TTBK2: variants seen among roughly 807,000 people sequenced by gnomAD.
The protein encoded by TTBK2 is tau tubulin kinase 2.
TTBK2 carries 28 observed loss-of-function variants against 110.8 expected under a neutral mutation model. The observed-to-expected ratio is 0.25, with a 90% CI of 0.19 to 0.35. The LOEUF (loss-of-function observed/expected upper bound fraction) is 0.35, where lower values mean the gene tolerates loss of function less well. Ranked by LOEUF, TTBK2 falls within the 10% of genes least tolerant of loss-of-function variation. The pLI, the probability that TTBK2 is intolerant of heterozygous loss-of-function variation, is 1.00. For synonymous variants in TTBK2, 532 were observed against 527.3 expected (o/e 1.01, Z -0.12); for missense variants, 1,369 against 1,500.3 (o/e 0.91, Z 1.45).
In TTBK2 at chr15:42,753,031, G is replaced by A. The variant is rs2061891124; in HGVS notation, c.2215C>T (p.His739Tyr). The A allele has an allele frequency of 6.2e-7, 1 of 1,614,002 alleles. No homozygotes were observed. The highest frequency in any genetic ancestry group is 8.5e-7 in the Non-Finnish European group (1 of 1,179,998). ...TCTCTAATGTTGGGTAACATGTCATGACCAATGTGATCTATCTGAAGCCCC... is the reference window on the plus strand; with the variant it reads ...TCTCTAATGTTGGGTAACATGTCATAACCAATGTGATCTATCTGAAGCCCC... The part of the protein sequence containing the change: ...DLGLQIDHIG[H>Y]DMLPNIRESN... Residue 739 changes from histidine to tyrosine, a missense_variant, in exon 14 of 15, where the codon CAT (histidine) becomes TAT (tyrosine). Coordinates refer to ENST00000267890, the MANE Select transcript of TTBK2 (RefSeq NM_173500.4).
chr15:42,757,479 C>T (rs2061964698), intron 13 of TTBK2, among the ~76,000 whole-genome samples: 1 of 152,148 alleles, frequency 6.6e-6, no homozygotes. Context: ...GATAGGACTT[C>T]AGGATTTTGA....
chr15:42,891,172 CTTTTTTTTT>C (rs758372860), intron 1 of TTBK2, among the ~76,000 whole-genome samples: 4 of 125,746 alleles, frequency 3.2e-5, no homozygotes, highest in Non-Finnish European at 5.0e-5. Context: ...CCATGCCCGA[CTTTTTTTTT>C]TTTTTTTTTT....
rs545917779 is a variant in TTBK2, at chr15:42,788,015, C to G, written c.981-4380G>C. Reference sequence around the variant, plus strand: ...ATGTCACTGTTCTGAATACTGGAGGCAAGTGTAACACAATGGTTAAGTATT... The same window carrying G: ...ATGTCACTGTTCTGAATACTGGAGGGAAGTGTAACACAATGGTTAAGTATT... On this transcript the variant is annotated intron_variant, in intron 10 of 14. Transcript: ENST00000267890. Among the ~76,000 whole-genome samples the G allele has an allele frequency of 3.3e-5, 5 of 151,996 alleles. 1 individual carries two copies. In the East Asian group the frequency reaches 9.6e-4, roughly 29 times the overall value.
At chr15:42,764,632 A>T (rs1464974831) in intron 13 of TTBK2, among the ~76,000 whole-genome samples, 2 of 152,260 alleles carry the variant, frequency 1.3e-5, no homozygotes, top group Admixed American at 1.3e-4. Flanking sequence ...AGCCCACCGC[A>T]GCTCAGCAAG....
chr15:42,748,113 C>T (rs1016815796), intron 14 of TTBK2, among the ~76,000 whole-genome samples: 3 of 152,090 alleles, frequency 2.0e-5, no homozygotes, highest in African/African-American at 7.2e-5. Flanking sequence ...AGTTAAAATT[C>T]AGACTAGGAT....
intron 2 of TTBK2, among the ~76,000 whole-genome samples, chr15:42,875,353 G>A (rs979641062): frequency 3.3e-5 from 5 of 152,174 alleles, no homozygotes; most frequent in Non-Finnish European, 7.3e-5. Context: ...GGTAAGGTCT[G>A]TGGAAGATTG....
At chr15:42,868,594 CA>C (rs1894479696) in intron 3 of TTBK2, among the ~76,000 whole-genome samples, 1 of 151,812 alleles carries the variant, frequency 6.6e-6, no homozygotes, top group South Asian at 2.1e-4. Flanking sequence ...TGGTGGTTCA[CA>C]CCTTTAATCC....
At chr15:42,877,067 T>C (rs1200066350) in intron 2 of TTBK2, among the ~76,000 whole-genome samples, 1 of 152,230 alleles carries the variant, frequency 6.6e-6, no homozygotes, top group Admixed American at 6.5e-5. Context: ...GTATTTATCT[T>C]GTTTTCCTAA....
chr15:42,790,923 A>T (rs904611627), intron 10 of TTBK2, among the ~76,000 whole-genome samples: 2 of 151,770 alleles, frequency 1.3e-5, no homozygotes, highest in South Asian at 2.1e-4. Flanking sequence ...TCGCTCTGTC[A>T]TCCAGGCTGG....
intron 10 of TTBK2, among the ~76,000 whole-genome samples, chr15:42,787,457 G>C (rs2140832631): frequency 6.6e-6 from 1 of 152,272 alleles, no homozygotes; most frequent in South Asian, 2.1e-4. Flanking sequence ...TTTTCTTAGA[G>C]GGCAGACAGT....
chr15:42,815,313 C>A (rs1891892530), intron 7 of TTBK2, among the ~76,000 whole-genome samples: 1 of 151,534 alleles, frequency 6.6e-6, no homozygotes, highest in African/African-American at 2.4e-5. Flanking sequence ...ATAATCACGC[C>A]ATAAGAAGCC....
At chr15:42,829,046 C>T (rs1361147802) in intron 5 of TTBK2, among the ~76,000 whole-genome samples, 1 of 152,104 alleles carries the variant, frequency 6.6e-6, no homozygotes, top group Non-Finnish European at 1.5e-5. Context: ...AATAATGATG[C>T]ATAGAAATAG....
At chr15:42,889,689 T>C (rs1194118276) in intron 1 of TTBK2, among the ~76,000 whole-genome samples, 1 of 152,170 alleles carries the variant, frequency 6.6e-6, no homozygotes, top group Non-Finnish European at 1.5e-5. Flanking sequence ...CCGTTTAGTT[T>C]CTCAATTGAT....
intron 1 of TTBK2, among the ~76,000 whole-genome samples, chr15:42,898,009 G>C (rs937944316): frequency 6.6e-6 from 1 of 151,948 alleles, no homozygotes; most frequent in Admixed American, 6.6e-5. Flanking sequence ...GGAAAACTTG[G>C]TGAAACTCCA....
At chr15:42,845,616 A>G (rs555565426) in intron 3 of TTBK2, among the ~76,000 whole-genome samples, 1 of 142,988 alleles carries the variant, frequency 7.0e-6, no homozygotes, top group Non-Finnish European at 1.5e-5. Context: ...CCTGGGCGAC[A>G]GAGCAAGGCT....
At chr15:42,762,881 A>G (rs906392581) in intron 13 of TTBK2, among the ~76,000 whole-genome samples, 1 of 151,472 alleles carries the variant, frequency 6.6e-6, no homozygotes, top group Non-Finnish European at 1.5e-5. Context: ...CAAATACCGC[A>G]TGTTCTCACT....
Position 42,783,460 on chromosome 15 carries a change from T to A in TTBK2, c.1156A>T (p.Met386Leu), listed in dbSNP as rs747137994. Residue 386 changes from methionine (M) to leucine (L), a missense_variant, in exon 11 of 15, where the codon ATG (methionine) becomes TTG (leucine). Around this residue, in one of 4 missense-constraint regions of TTBK2, gnomAD observed 1,097 missense variants for 1,114.7 expected, o/e 0.98. Coordinates refer to ENST00000267890, the MANE Select transcript of TTBK2 (RefSeq NM_173500.4). ...RPQEKDVWEE[M>L]DANKNKIKLG... ...TTTATCTTGTTTTTGTTGGCATCCA[T>A]CTCTTCCCAAACATCCTTCTCCTGG... The A allele has an allele frequency of 6.2e-7, 1 of 1,614,162 alleles. No homozygotes were observed. The highest frequency in any genetic ancestry group is 8.5e-7 in the Non-Finnish European group (1 of 1,180,028).
chr15:42,817,168 G>T, intron 6 of TTBK2, 71 bp from the exon 7 acceptor site: 3 of 1,224,334 alleles, frequency 2.5e-6, no homozygotes, highest in Non-Finnish European at 3.4e-6. Context: ...CTTGAACCAT[G>T]AAGTAAATGG....
Position 42,754,762 on chromosome 15 carries a change from A to T in TTBK2, c.1999-1515T>A, listed in dbSNP as rs974731790. On this transcript the variant is annotated intron_variant, in intron 13 of 14. Coordinates refer to ENST00000267890, the MANE Select transcript of TTBK2 (RefSeq NM_173500.4). ...GGTGGCTCACGCCTGTAATCCCAGC[A>T]CTTTGGGAGGCCGAGGTGGGCAGAC... Among the ~76,000 whole-genome samples, 110 of 142,592 alleles carry T rather than the reference A, an allele frequency of 7.7e-4. 1 individual carries two copies. The highest frequency in any genetic ancestry group is 2.7e-3 in the African/African-American group (105 of 39,534). The allele number at this position is 142,592 out of a possible 152,430, so 93.5% of individuals were successfully genotyped here.
Sources: allele counts gnomAD v4.1 joint callset (sites outside exome capture counted in the v4.1 genomes callset), GRCh38; gene constraint gnomAD v4.1.1; regional missense constraint gnomAD v4.1.1; transcripts MANE v1.5; gene names NCBI Gene and HGNC (gene_info 2026-07-23, HGNC 2026-07-21).